The following SLCO3A1 variants were observed in gnomAD, a reference collection of about 807,000 sequenced individuals.
The protein encoded by SLCO3A1 is PGE1 transporter.
SLCO3A1 carries 27 observed loss-of-function variants against 63.1 expected under a neutral mutation model. The observed-to-expected ratio is 0.43, with a 90% confidence interval of 0.32 to 0.59. The LOEUF (loss-of-function observed/expected upper bound fraction) is 0.59, where lower values mean the gene tolerates loss of function less well. Ranked by LOEUF, SLCO3A1 falls within the 20% of genes least tolerant of loss-of-function variation. SLCO3A1 has a pLI of 0.09. For synonymous variants in SLCO3A1, 473 were observed against 409.9 expected (o/e 1.15, Z -1.86); for missense variants, 773 against 945.8 (o/e 0.82, Z 2.40).
Position 92,162,760 on chromosome 15 carries a change from C to T in SLCO3A1, c.1758C>T (p.Phe586=). 1.2e-6 allele frequency: 2 copies of T among 1,611,014 alleles called. No individual in the cohort carries two copies. Among genetic ancestry groups the T allele is most frequent in the South Asian group, 1.1e-5 (1 of 90,644 alleles). The part of the protein sequence containing the change: ...VLFLLLRLLG[F]IPPPLIFGAG... ...ACATTCTTTTCCCGGTAACAGGCTT[C>T]ATCCCTCCACCCCTCATCTTCGGGG... The change falls in exon 10 of 10, where the codon TTC becomes TTT. Residue 586 remains phenylalanine, a synonymous_variant. Transcript: ENST00000318445.
chr15:92,060,202 T>C (rs72757434), intron 2 of SLCO3A1, among the ~76,000 whole-genome samples: 23,816 of 151,982 alleles, frequency 0.16, 1,936 homozygotes, highest in African/African-American at 0.2. Context: ...TAGGACAGTA[T>C]TGTACACTCC....
intron 2 of SLCO3A1, among the ~76,000 whole-genome samples, chr15:92,056,541 C>G (rs772800668): frequency 6.6e-6 from 1 of 152,188 alleles, no homozygotes; most frequent in Non-Finnish European, 1.5e-5. Context: ...CTCTTTTAAA[C>G]TATAGACTCA....
intron 2 of SLCO3A1, among the ~76,000 whole-genome samples, chr15:91,955,100 C>CA (rs1012927080): frequency 1.3e-5 from 2 of 152,150 alleles, no homozygotes; most frequent in African/African-American, 4.8e-5. Context: ...GCCACTGTTG[C>CA]AGGTGCTCCA....
At chr15:91,952,928 T>C (rs546139134) in intron 2 of SLCO3A1, among the ~76,000 whole-genome samples, 133 of 152,270 alleles carry the variant, frequency 8.7e-4, no homozygotes, top group African/African-American at 3.1e-3. Context: ...AGCTGTACCT[T>C]CACCTTGGTT....
chr15:92,097,454 G>T (rs1204387435), intron 3 of SLCO3A1, among the ~76,000 whole-genome samples: 2 of 152,182 alleles, frequency 1.3e-5, no homozygotes, highest in Non-Finnish European at 2.9e-5. Context: ...TGCTGAGACT[G>T]TTCCTTCAGC....
At chr15:91,978,870 T>C (rs1271249909) in intron 2 of SLCO3A1, among the ~76,000 whole-genome samples, 1 of 152,226 alleles carries the variant, frequency 6.6e-6, no homozygotes, top group Non-Finnish European at 1.5e-5. Flanking sequence ...CTATTGACCA[T>C]ATCTGGCCCT....
At position 91,894,533 on chromosome 15, in the gene SLCO3A1, G is replaced by A. The variant is rs1897955254; in HGVS notation, c.181-21460G>A. Reference sequence around the variant, plus strand: ...GTAGGGCCAAGTGATGGGTGGATTAGATGTCTGAAGGCAGCAGAGGCAATG... The same window carrying A: ...GTAGGGCCAAGTGATGGGTGGATTAAATGTCTGAAGGCAGCAGAGGCAATG... On this transcript the variant is annotated intron_variant, in intron 1 of 9. Coordinates refer to ENST00000318445, the MANE Select transcript of SLCO3A1 (RefSeq NM_013272.4). The surrounding 1 kb of genome is among the most constrained non-coding windows in gnomAD (Gnocchi z 4.8). 6.6e-6 allele frequency among the ~76,000 whole-genome samples: 1 copy of A among 152,154 alleles called. No individual in the cohort carries two copies. Among genetic ancestry groups the A allele is most frequent in the Non-Finnish European group, 1.5e-5 (1 of 68,040 alleles).
chr15:92,039,443 AT>A (rs1249787061), intron 2 of SLCO3A1, among the ~76,000 whole-genome samples: 2 of 152,216 alleles, frequency 1.3e-5, no homozygotes, highest in African/African-American at 4.8e-5. Flanking sequence ...GAAGACATTT[AT>A]GTGACTATCA....
At chr15:92,120,219 T>G (rs535603102) in intron 4 of SLCO3A1, among the ~76,000 whole-genome samples, 1 of 152,262 alleles carries the variant, frequency 6.6e-6, no homozygotes, top group Admixed American at 6.5e-5. Context: ...CCTGGTATAG[T>G]CTCTCCTGTT....
chr15:91,984,443 GA>G (rs1289820908), intron 2 of SLCO3A1, among the ~76,000 whole-genome samples: 1 of 152,150 alleles, frequency 6.6e-6, no homozygotes, highest in East Asian at 1.9e-4. Flanking sequence ...TTTTTCCTGA[GA>G]GATAAGATGA....
intron 1 of SLCO3A1, among the ~76,000 whole-genome samples, chr15:91,891,989 G>A (rs1324188187): frequency 6.6e-6 from 1 of 152,208 alleles, no homozygotes; most frequent in East Asian, 1.9e-4. Flanking sequence ...GCCATAGTAT[G>A]TGGACCCCTG....
At chr15:92,151,049 T>G (rs931388355) in intron 9 of SLCO3A1, 35 bp downstream of exon 9, 3 of 1,419,264 alleles carry the variant, frequency 2.1e-6, no homozygotes, top group Non-Finnish European at 3.0e-6. Flanking sequence ...CAATAATGAA[T>G]TGGATGCTTA....
rs950409310 is a variant in SLCO3A1, at chr15:92,145,293, G to A, written c.1513-1691G>A. The stretch of plus-strand genomic sequence containing the variant: ...AAAAGTTTGGCTGTGATGCTGGGGA[G>A]GAGTGGGCAGTTTCCTCTCCTGGGA... On this transcript the variant is annotated intron_variant, in intron 7 of 9. Coordinates refer to ENST00000318445, the MANE Select transcript of SLCO3A1 (RefSeq NM_013272.4). 6.6e-5 allele frequency among the ~76,000 whole-genome samples: 10 copies of A among 152,198 alleles called. No homozygotes were observed. The East Asian group carries it at 1.2e-3, about 18-fold the overall frequency.
In SLCO3A1 at chr15:91,950,538, T is replaced by C. The variant is rs1344323271; in HGVS notation, c.646+34080T>C. Among the ~76,000 whole-genome samples the C allele has an allele frequency of 1.3e-5, 2 of 152,248 alleles. No individual in the cohort carries two copies. Among genetic ancestry groups the C allele is most frequent in the Non-Finnish European group, 1.5e-5 (1 of 68,050 alleles). On this transcript the variant is annotated intron_variant, in intron 2 of 9. Coordinates refer to ENST00000318445, the MANE Select transcript of SLCO3A1 (RefSeq NM_013272.4). This position sits in a 1 kb window ranked among gnomAD's most constrained non-coding sequence, Gnocchi z 4.4. ...CCCACATGGGTGTGTGATCCTTTGT[T>C]TTTTTGCTGCAGGCTCCATAATGTC...
intron 2 of SLCO3A1, among the ~76,000 whole-genome samples, chr15:92,005,768 C>T (rs1329741318): frequency 6.6e-6 from 1 of 152,184 alleles, no homozygotes; most frequent in African/African-American, 2.4e-5. Flanking sequence ...ATGTTATGCA[C>T]TGGATAATTC....
chr15:92,115,730 G>A (rs2047786456), intron 4 of SLCO3A1, among the ~76,000 whole-genome samples: 1 of 142,288 alleles, frequency 7.0e-6, no homozygotes, highest in Non-Finnish European at 1.5e-5. Context: ...CTTTTCTACA[G>A]TACAAGCCTC....
intron 2 of SLCO3A1, among the ~76,000 whole-genome samples, chr15:92,059,195 AG>A (rs2047056756): frequency 1.3e-5 from 2 of 152,088 alleles, no homozygotes; most frequent in South Asian, 2.1e-4. Context: ...CCTCTTCCCT[AG>A]GGGGGTGTTT....
chr15:91,869,121 C>T (rs1897235349), intron 1 of SLCO3A1, among the ~76,000 whole-genome samples: 1 of 152,164 alleles, frequency 6.6e-6, no homozygotes, highest in Non-Finnish European at 1.5e-5. Context: ...CCACTGGGAG[C>T]CGGGCATGGT....
chr15:92,072,928 G>A (rs554630287), intron 2 of SLCO3A1, among the ~76,000 whole-genome samples: 15 of 152,104 alleles, frequency 9.9e-5, no homozygotes, highest in South Asian at 2.1e-4. Flanking sequence ...TTTGAGGATC[G>A]TCATTCAACC....
Sources: gnomAD v4.1 joint callset for allele counts (sites outside exome capture counted in the v4.1 genomes callset) on GRCh38, gnomAD v4.1.1 for gene constraint, Gnocchi (gnomAD v3.1) non-coding constraint, MANE v1.5 for transcripts, NCBI Gene and HGNC (gene_info 2026-07-23, HGNC 2026-07-21) for gene names.